PDE5A: variants seen among roughly 807,000 people sequenced by gnomAD.
PDE5A encodes phosphodiesterase 5A.
In PDE5A, 67 loss-of-function variants were observed where a neutral mutation model predicts 110.2. That is an observed-to-expected ratio of 0.61 (90% CI 0.50 to 0.75). The LOEUF is 0.75. PDE5A is among the 30% of genes least tolerant of loss of function. The pLI is 0.00. For missense variants in PDE5A, 862 were observed against 1,045.1 expected, an observed-to-expected ratio of 0.82 and a Z score of 2.42; for synonymous variants, 328 against 351.2, an observed-to-expected ratio of 0.93 and a Z score of 0.74.
intron 3 of PDE5A, among the ~76,000 whole-genome samples, chr4:119,589,651 GTTC>G (rs1414309578): frequency 2.0e-5 from 3 of 152,006 alleles, no homozygotes; most frequent in Non-Finnish European, 4.4e-5. Context: ...TGTAGTCATG[GTTC>G]TTCTCTGGAG....
chr4:119,616,997 G>C (rs1225340985), intron 1 of PDE5A, among the ~76,000 whole-genome samples: 1 of 151,880 alleles, frequency 6.6e-6, no homozygotes, highest in Non-Finnish European at 1.5e-5. Flanking sequence ...CATTTTTATG[G>C]ATATTTAAAT....
chr4:119,553,738 T>A lies in PDE5A; in HGVS notation c.1208A>T (p.Asp403Val). ...ATACATGTAATTGATTTTGTTTGCA[T>A]CATGTTCCCTGTGAAAATAACAGAT... ...KSSDTLTREH[D>V]ANKINYMYAQ... Residue 403 changes from aspartate (D) to valine (V), a missense_variant, in exon 8 of 21, where the codon GAT becomes GTT. Physicochemically the swap from Asp to Val is radical, Grantham distance 152. Transcript: ENST00000354960. 1 of 1,552,982 alleles carries A rather than the reference T, an allele frequency of 6.4e-7. No homozygotes were observed. Among genetic ancestry groups the A allele is most frequent in the African/African-American group, 1.4e-5 (1 of 73,872 alleles).
chr4:119,620,172 A>G (rs1276948806), intron 1 of PDE5A, among the ~76,000 whole-genome samples: 2 of 152,200 alleles, frequency 1.3e-5, no homozygotes, highest in African/African-American at 2.4e-5. Context: ...AGATTAACAG[A>G]CTATTATTAA....
At chr4:119,617,464 T>C (rs1338081326) in intron 1 of PDE5A, among the ~76,000 whole-genome samples, 3 of 152,138 alleles carry the variant, frequency 2.0e-5, no homozygotes, top group Admixed American at 2.0e-4. Context: ...TCACTCACAT[T>C]ACAAAATGAA....
chr4:119,500,342 T>A (rs2110449940), intron 20 of PDE5A: 1 of 151,594 alleles, frequency 6.6e-6, no homozygotes, highest in African/African-American at 2.4e-5. Context: ...TTATATTAAA[T>A]TCTTTTGATG....
At chr4:119,542,104 A>T in intron 10 of PDE5A, 1 of 180,294 alleles carries the variant, frequency 5.5e-6, no homozygotes, top group Non-Finnish European at 1.1e-5. Context: ...AACTGTTCTC[A>T]CGGAAAGATG....
chr4:119,560,466 T>G, intron 6 of PDE5A, 103 bp from the exon 7 acceptor site: 1 of 560,574 alleles, frequency 1.8e-6, no homozygotes. Flanking sequence ...ACCCCAATAC[T>G]TGTAGTATAT....
intron 3 of PDE5A, among the ~76,000 whole-genome samples, chr4:119,574,871 G>T (rs1728275554): frequency 6.6e-6 from 1 of 152,218 alleles, no homozygotes; most frequent in South Asian, 2.1e-4. Context: ...CCCATGGGTG[G>T]TGAGGACTGA....
chr4:119,572,487 T>G (rs901455032), intron 3 of PDE5A, among the ~76,000 whole-genome samples: 1 of 152,202 alleles, frequency 6.6e-6, no homozygotes, highest in Non-Finnish European at 1.5e-5. Context: ...AGTAAAAACT[T>G]TATTTTCTTA....
At chr4:119,526,654 C>G (rs931367211) in intron 11 of PDE5A, among the ~76,000 whole-genome samples, 1 of 152,134 alleles carries the variant, frequency 6.6e-6, no homozygotes, top group Admixed American at 6.6e-5. Flanking sequence ...TGAGATAGCA[C>G]TACTTTGCTT....
At chr4:119,536,787 C>T (rs1251820156) in intron 11 of PDE5A, among the ~76,000 whole-genome samples, 1 of 152,092 alleles carries the variant, frequency 6.6e-6, no homozygotes, top group African/African-American at 2.4e-5. Flanking sequence ...CTTGTGTGGG[C>T]TCTGGATCCA....
intron 19 of PDE5A, 57 bp from the exon 20 acceptor site, chr4:119,501,310 T>TATTA: frequency 9.6e-7 from 1 of 1,038,268 alleles, no homozygotes; most frequent in Admixed American, 1.8e-5. Context: ...TTTAGTTAGT[T>TATTA]ATTACTTTAT....
At chr4:119,618,816 G>A (rs552383066) in intron 1 of PDE5A, among the ~76,000 whole-genome samples, 2 of 142,822 alleles carry the variant, frequency 1.4e-5, no homozygotes, top group East Asian at 2.1e-4. Flanking sequence ...CTCTGCTATA[G>A]GTAATTTATG....
chr4:119,585,923 T>C (rs1478720569), intron 3 of PDE5A, among the ~76,000 whole-genome samples: 2 of 152,178 alleles, frequency 1.3e-5, no homozygotes, highest in Admixed American at 6.5e-5. Context: ...GCCCACATGG[T>C]GAGGAATGAA....
intron 3 of PDE5A, among the ~76,000 whole-genome samples, chr4:119,595,648 G>A (rs1376920363): frequency 6.6e-5 from 10 of 152,162 alleles, no homozygotes; most frequent in Admixed American, 6.5e-4. Flanking sequence ...CAGATCCTTG[G>A]ATTCTAGGAC....
chr4:119,620,575 A>G (rs990061719), intron 1 of PDE5A, among the ~76,000 whole-genome samples: 1 of 152,156 alleles, frequency 6.6e-6, no homozygotes, highest in Admixed American at 6.5e-5. Context: ...CTGGACTACA[A>G]TGGCATTTAT....
At chr4:119,547,483 G>A (rs1727174054) in intron 9 of PDE5A, among the ~76,000 whole-genome samples, 1 of 151,804 alleles carries the variant, frequency 6.6e-6, no homozygotes, top group Non-Finnish European at 1.5e-5. Context: ...AGGCAACAGA[G>A]TGAGAAAGAG....
intron 3 of PDE5A, among the ~76,000 whole-genome samples, chr4:119,578,971 A>T (rs4340778): frequency 0.76 from 114,650 of 151,284 alleles, 43,753 homozygotes; most frequent in East Asian, 0.89. Flanking sequence ...GAATCTACAA[A>T]GAACTCAAAC....
intron 9 of PDE5A, among the ~76,000 whole-genome samples, chr4:119,547,137 T>G (rs1426389192): frequency 6.6e-6 from 1 of 150,444 alleles, no homozygotes; most frequent in Non-Finnish European, 1.5e-5. Context: ...AATAACAAAT[T>G]CTTTCTCAGT....
Sources: allele counts gnomAD v4.1 joint callset (sites outside exome capture counted in the v4.1 genomes callset), GRCh38; gene constraint gnomAD v4.1.1; transcripts MANE v1.5; gene names NCBI Gene and HGNC (gene_info 2026-07-23, HGNC 2026-07-21).